Variants in KCNIP4 observed in about 807,000 individuals in gnomAD.
KCNIP4 encodes the protein potassium voltage-gated channel interacting protein 4, also known as Kv channel-interacting protein 4.
In KCNIP4, 12 loss-of-function variants were observed where a neutral mutation model predicts 34.0. That is an observed-to-expected ratio of 0.35 (90% CI 0.23 to 0.57). KCNIP4 has a LOEUF of 0.57. Among genes scored for constraint, KCNIP4 ranks in the 20% least tolerant of loss-of-function variants. The probability of loss-of-function intolerance (pLI) is 0.83; values close to 1 mark genes in which losing one functional copy is unlikely to be tolerated. For missense variants in KCNIP4, 238 were observed against 311.7 expected (o/e 0.76, Z 1.78); for synonymous variants, 124 against 102.2 (o/e 1.21, Z -1.29).
At chr4:21,057,540 A>T (rs1743527599) in intron 1 of KCNIP4, among the ~76,000 whole-genome samples, 1 of 152,146 alleles carries the variant, frequency 6.6e-6, no homozygotes, top group Non-Finnish European at 1.5e-5. Context: ...TTCATTTTTT[A>T]TAAAAAGCAT....
intron 1 of KCNIP4, among the ~76,000 whole-genome samples, chr4:21,864,564 C>T (rs540992360): frequency 1.3e-5 from 2 of 152,320 alleles, no homozygotes; most frequent in African/African-American, 4.8e-5. Context: ...ATCTGTCATA[C>T]ATGTTCAGTC....
At position 21,705,811 on chromosome 4, in the gene KCNIP4, T is replaced by C. The variant is rs1307230884; in HGVS notation, c.61+242760A>G. 2.0e-5 allele frequency among the ~76,000 whole-genome samples: 3 copies of C among 152,190 alleles called. No homozygotes were observed. In the East Asian group the frequency reaches 5.8e-4, roughly 29 times the overall value. On this transcript the variant is annotated intron_variant, in intron 1 of 8. Coordinates refer to ENST00000382152, the MANE Select transcript of KCNIP4 (RefSeq NM_025221.6). Reference sequence around the variant, plus strand: ...CTGTAGACCCTGGACAGTCAGCTAATAATCCACAAATCAATCTGTTTGAAA... The same window carrying C: ...CTGTAGACCCTGGACAGTCAGCTAACAATCCACAAATCAATCTGTTTGAAA...
At chr4:21,038,824 C>A (rs1465820790) in intron 1 of KCNIP4, among the ~76,000 whole-genome samples, 5 of 152,130 alleles carry the variant, frequency 3.3e-5, no homozygotes, top group Non-Finnish European at 5.9e-5. Context: ...TTAATTTGCT[C>A]ACTCCAGTAA....
chr4:21,248,004 C>CA lies in KCNIP4; in HGVS notation c.62-365296_62-365295insT, dbSNP rs1491543317. On this transcript the variant is annotated intron_variant, in intron 1 of 8. Coordinates refer to ENST00000382152, the MANE Select transcript of KCNIP4 (RefSeq NM_025221.6). ...ATATACACACACACACACACACACA[C>CA]CCCCCACAGGTGGATATATATATAT... Among the ~76,000 whole-genome samples the CA allele has an allele frequency of 2.2e-3, 104 of 47,322 alleles. 2 individuals are homozygous for CA. Among genetic ancestry groups the CA allele is most frequent in the African/African-American group, 0.015 (92 of 6,310 alleles). 31.0% of individuals were successfully genotyped at this position (47,322 alleles called of 152,430 possible).
intron 3 of KCNIP4, among the ~76,000 whole-genome samples, chr4:20,815,728 A>G (rs1716291760): frequency 6.6e-6 from 1 of 152,220 alleles, no homozygotes; most frequent in African/African-American, 2.4e-5. Context: ...ATATATTATC[A>G]ATATTAATGA....
intron 1 of KCNIP4, among the ~76,000 whole-genome samples, chr4:20,904,899 A>G (rs186470246): frequency 2.6e-5 from 4 of 152,152 alleles, no homozygotes; most frequent in Admixed American, 6.5e-5. Context: ...TTTTTAGGAG[A>G]AGGAGGAGGA....
At chr4:20,820,174 A>G (rs1316609849) in intron 3 of KCNIP4, among the ~76,000 whole-genome samples, 1 of 152,196 alleles carries the variant, frequency 6.6e-6, no homozygotes, top group African/African-American at 2.4e-5. Context: ...CTTACAGACT[A>G]CTTAAGTGGT....
chr4:21,355,668 C>A (rs1718507612), intron 1 of KCNIP4, among the ~76,000 whole-genome samples: 1 of 152,104 alleles, frequency 6.6e-6, no homozygotes, highest in African/African-American at 2.4e-5. Context: ...TAATAGCCTA[C>A]CAACCAAGAA....
rs1302487317 is a variant in KCNIP4 at position 21,373,362 on chromosome 4, AATTTTAGTGAG to A, written c.62-490664_62-490654del. 6.8e-5 allele frequency among the ~76,000 whole-genome samples: 10 copies of A among 147,148 alleles called. 3 individuals are homozygous for A. Among genetic ancestry groups the A allele is most frequent in the African/African-American group, 2.7e-4 (10 of 36,802 alleles). ...AAATACAAAGATAAAATATAAAAAA[AATTTTAGTGAG>A]ATTTTAGAAAGTAGAGAGATAGAGT... is the stretch of plus-strand genomic sequence containing the variant. On this transcript the variant is annotated intron_variant, in intron 1 of 8. Transcript: ENST00000382152.
chr4:21,233,184 T>C (rs1758925014), intron 1 of KCNIP4, among the ~76,000 whole-genome samples: 1 of 152,006 alleles, frequency 6.6e-6, no homozygotes, highest in African/African-American at 2.4e-5. Context: ...AAGACAAAGA[T>C]TGGGAAATGT....
At chr4:20,741,017 G>A (rs1007439453) in intron 5 of KCNIP4, among the ~76,000 whole-genome samples, 2 of 152,122 alleles carry the variant, frequency 1.3e-5, no homozygotes, top group Admixed American at 6.5e-5. Context: ...AACAAGAAGA[G>A]CTAACTATCC....
chr4:20,773,395 C>T (rs1411163324), intron 3 of KCNIP4, among the ~76,000 whole-genome samples: 1 of 152,170 alleles, frequency 6.6e-6, no homozygotes, highest in Non-Finnish European at 1.5e-5. Context: ...TACTTCAGTG[C>T]TTCCGAGCTC....
At chr4:21,737,249 C>A (rs940909862) in intron 1 of KCNIP4, among the ~76,000 whole-genome samples, 2 of 152,158 alleles carry the variant, frequency 1.3e-5, no homozygotes, top group Non-Finnish European at 2.9e-5. Context: ...TCTCATCATT[C>A]ACATCAAACC....
At chr4:20,757,250 T>C (rs906765555) in intron 4 of KCNIP4, among the ~76,000 whole-genome samples, 3 of 152,074 alleles carry the variant, frequency 2.0e-5, no homozygotes, top group African/African-American at 7.2e-5. Flanking sequence ...CTGTCCCCAC[T>C]TCTCATTTTC....
intron 2 of KCNIP4, among the ~76,000 whole-genome samples, chr4:20,879,536 A>G (rs1421412418): frequency 2.6e-5 from 4 of 152,236 alleles, no homozygotes; most frequent in African/African-American, 9.6e-5. Context: ...CATTTTAAAA[A>G]TGAGAAATAC....
rs554912255 is a variant in KCNIP4 at position 20,796,274 on chromosome 4, G to A, written c.289-37384C>T. 3.9e-5 allele frequency among the ~76,000 whole-genome samples: 6 copies of A among 152,264 alleles called. No individual in the cohort carries two copies. In the East Asian group the frequency reaches 9.6e-4, roughly 24 times the overall value. ...CCAATCACTTGTCTAATGCCACCCAGTTGGAAGGAGCTAAAATTGCTTTTT... is the reference window on the plus strand; with the variant it reads ...CCAATCACTTGTCTAATGCCACCCAATTGGAAGGAGCTAAAATTGCTTTTT... On this transcript the variant is annotated intron_variant, in intron 3 of 8. Transcript: ENST00000382152.
Position 20,775,855 on chromosome 4 carries a change from C to A in KCNIP4, c.289-16965G>T, listed in dbSNP as rs56957559. Among the ~76,000 whole-genome samples the A allele has an allele frequency of 3.2e-3, 486 of 152,272 alleles. 3 individuals are homozygous for A. Among genetic ancestry groups the A allele is most frequent in the African/African-American group, 0.011 (461 of 41,550 alleles). On this transcript the variant is annotated intron_variant, in intron 3 of 8. Transcript: ENST00000382152. ...AGGGGCTAAGTATCCTTCAGGAGGGCAGAAAGACTCCCAGCTATTAGGTGT... is the reference window on the plus strand; with the variant it reads ...AGGGGCTAAGTATCCTTCAGGAGGGAAGAAAGACTCCCAGCTATTAGGTGT...
chr4:20,926,713 T>C (rs1396001961), intron 1 of KCNIP4, among the ~76,000 whole-genome samples: 2 of 152,192 alleles, frequency 1.3e-5, no homozygotes, highest in Non-Finnish European at 2.9e-5. Context: ...CTGGAGCTTT[T>C]TACAGCTGAG....
chr4:21,167,502 T>C (rs1753715126), intron 1 of KCNIP4, among the ~76,000 whole-genome samples: 1 of 152,214 alleles, frequency 6.6e-6, no homozygotes, highest in Admixed American at 6.5e-5. Context: ...AGTTTTGGCA[T>C]GGAATAGATA....
Sources: gnomAD v4.1 joint callset for allele counts (sites outside exome capture counted in the v4.1 genomes callset) on GRCh38, gnomAD v4.1.1 for gene constraint, MANE v1.5 for transcripts, NCBI Gene and HGNC (gene_info 2026-07-23, HGNC 2026-07-21) for gene names.